CCDC141: variants seen among roughly 807,000 people sequenced by gnomAD.
The protein encoded by CCDC141 is coiled-coil domain containing 141, also known as coiled-coil domain-containing protein 141.
A neutral mutation model predicts 181.0 loss-of-function variants in CCDC141; 168 were observed. That is an observed-to-expected ratio of 0.93 (90% CI 0.82 to 1.05). CCDC141 has a LOEUF of 1.05. Among genes scored for constraint, CCDC141 ranks in the 50% least tolerant of loss-of-function variants. The probability of loss-of-function intolerance (pLI) is 0.00; values close to 1 mark genes in which losing one functional copy is unlikely to be tolerated. For missense variants in CCDC141, 1,902 were observed against 1,788.5 expected, an observed-to-expected ratio of 1.06 and a Z score of -1.14; for synonymous variants, 666 against 642.3, an observed-to-expected ratio of 1.04 and a Z score of -0.56.
chr2:178,984,613 G>A (rs1248599626), intron 2 of CCDC141, among the ~76,000 whole-genome samples: 1 of 149,674 alleles, frequency 6.7e-6, no homozygotes, highest in Non-Finnish European at 1.5e-5. Context: ...ATAAAAGGAT[G>A]GAGGAAGATC....
intron 7 of CCDC141, among the ~76,000 whole-genome samples, chr2:178,910,307 A>G (rs1210059587): frequency 1.3e-5 from 2 of 152,224 alleles, no homozygotes. Flanking sequence ...TGACTAATCA[A>G]CTTGAAGAGA....
intron 17 of CCDC141, among the ~76,000 whole-genome samples, chr2:178,857,205 T>A (rs1685426380): frequency 6.6e-6 from 1 of 152,180 alleles, no homozygotes; most frequent in African/African-American, 2.4e-5. Context: ...CATGTATACA[T>A]TTATTAAGGC....
intron 10 of CCDC141, among the ~76,000 whole-genome samples, chr2:178,885,359 G>A (rs894082369): frequency 1.3e-5 from 2 of 152,032 alleles, no homozygotes; most frequent in African/African-American, 4.8e-5. Context: ...AAGAAAGGTT[G>A]TTTGGTATGA....
At chr2:178,816,332 CA>C in the CCDC141 span, among the ~76,000 whole-genome samples, 1 of 152,190 alleles carries the variant, frequency 6.6e-6, no homozygotes, top group Admixed American at 6.5e-5. Flanking sequence ...TTTCACTTAG[CA>C]ATATGCATTT....
chr2:178,837,231 T>C lies in CCDC141; in HGVS notation c.3988A>G (p.Arg1330Gly). 2 of 1,614,090 alleles carry C rather than the reference T, an allele frequency of 1.2e-6. No homozygotes were observed. Among genetic ancestry groups the C allele is most frequent in the South Asian group, 2.2e-5 (2 of 91,074 alleles). ...GCCTGAGGGTGCTGCTGTAAAGCTC[T>C]CTCATGCACTTCACTCATCATGCTC... ...PESMMSEVHE[R>G]ALQQHPQAQG... is the part of the protein sequence containing the mutation. The change falls in exon 23 of 24, where the codon AGA (arginine) becomes GGA (glycine). Residue 1330 changes from arginine to glycine, a missense_variant. Arg to Gly is a moderately radical substitution (Grantham distance 125). Transcript: ENST00000443758.
intron 2 of CCDC141, among the ~76,000 whole-genome samples, chr2:178,981,652 A>ATG (rs2092159949): frequency 7.3e-6 from 1 of 137,356 alleles, no homozygotes; most frequent in African/African-American, 2.7e-5. Flanking sequence ...ATATATATAT[A>ATG]TATATACATA....
At chr2:178,902,616 T>C (rs917332198) in intron 8 of CCDC141, among the ~76,000 whole-genome samples, 13 of 152,242 alleles carry the variant, frequency 8.5e-5, no homozygotes, top group Middle Eastern at 6.8e-3. Flanking sequence ...CAAGATGGAC[T>C]AAAGACTTAA....
In CCDC141 at chr2:179,047,401, G is replaced by C; in HGVS notation, c.108C>G (p.Gly36=). The change falls in exon 2 of 24, where the codon GGC becomes GGG. Residue 36 remains glycine (G), a synonymous_variant. Coordinates refer to ENST00000443758, the MANE Select transcript of CCDC141 (RefSeq NM_173648.4). ...SKIVIAVIKC[G]KWVQLQLAES... is the part of the protein sequence containing the mutation. The stretch of plus-strand genomic sequence containing the variant: ...CAGCCAGTTGAAGTTGTACCCATTT[G>C]CCACACTAAAAATAAAAATTAAATA... 1 of 1,503,248 alleles carries C rather than the reference G, an allele frequency of 6.7e-7. No homozygotes were observed. The highest frequency in any genetic ancestry group is 8.8e-7 in the Non-Finnish European group (1 of 1,130,340). 93.1% of individuals were successfully genotyped at this position (1,503,248 alleles called of 1,614,324 possible). A position where few individuals can be genotyped will look rare whatever the true frequency, so the allele number is the denominator to read the frequency against.
chr2:178,987,158 ATGCCG>A (rs1302245775), intron 2 of CCDC141, among the ~76,000 whole-genome samples: 7 of 116,934 alleles, frequency 6.0e-5, no homozygotes, highest in Admixed American at 1.0e-4. Context: ...CTCAGAAATA[ATGCCG>A]CATATCTACA....
chr2:178,863,272 C>G (rs545469515), intron 17 of CCDC141, among the ~76,000 whole-genome samples: 1 of 152,260 alleles, frequency 6.6e-6, no homozygotes, highest in East Asian at 1.9e-4. Context: ...TGGACATTCT[C>G]AAAAATCCAT....
intron 2 of CCDC141, among the ~76,000 whole-genome samples, chr2:178,992,546 A>G (rs1437368982): frequency 6.6e-6 from 1 of 152,120 alleles, no homozygotes; most frequent in Admixed American, 6.6e-5. Context: ...TTCTCTCTGT[A>G]AGAGGACTGT....
intron 2 of CCDC141, among the ~76,000 whole-genome samples, chr2:179,005,311 A>AT (rs1198189152): frequency 3.4e-4 from 13 of 38,328 alleles, no homozygotes; most frequent in South Asian, 1.0e-3. Flanking sequence ...TATTTGGAGA[A>AT]TTTAAAAAAA....
chr2:178,904,064 AGAG>A (rs972612851), intron 8 of CCDC141, among the ~76,000 whole-genome samples: 9 of 152,232 alleles, frequency 5.9e-5, no homozygotes, highest in Non-Finnish European at 8.8e-5. Context: ...AAGCTGGAAA[AGAG>A]GAGGAGGAGG....
Position 178,855,396 on chromosome 2 carries a change from T to C in CCDC141, c.3011A>G (p.Tyr1004Cys). The change falls in exon 19 of 24, where the codon TAC (tyrosine) becomes TGC (cysteine). Residue 1004 changes from tyrosine to cysteine, a missense_variant. Transcript: ENST00000443758. ...VDDFDKVVTD[Y>C]KKNLDLTEHF... ...CTCAGTCAGGTCCAAATTCTTCTTGTAATCTGTCACAACTTTGTCAAAGTC... is the reference window on the plus strand; with the variant it reads ...CTCAGTCAGGTCCAAATTCTTCTTGCAATCTGTCACAACTTTGTCAAAGTC... 2.5e-6 allele frequency: 4 copies of C among 1,612,300 alleles called. No individual in the cohort carries two copies. Among genetic ancestry groups the C allele is most frequent in the Non-Finnish European group, 2.5e-6 (3 of 1,179,422 alleles).
At chr2:178,969,127 A>AAAAAG (rs1690766063) in intron 4 of CCDC141, among the ~76,000 whole-genome samples, 5 of 148,622 alleles carry the variant, frequency 3.4e-5, no homozygotes, top group African/African-American at 1.2e-4. Context: ...AAAAAAAAAA[A>AAAAAG]AAAGCCCAGG....
chr2:179,017,987 G>A (rs2042590404), intron 2 of CCDC141, among the ~76,000 whole-genome samples: 1 of 152,108 alleles, frequency 6.6e-6, no homozygotes, highest in Admixed American at 6.6e-5. Context: ...AGAAAAAGAT[G>A]TTCTGGCCAA....
intron 8 of CCDC141, among the ~76,000 whole-genome samples, chr2:178,889,934 C>T (rs937079725): frequency 1.3e-5 from 2 of 152,132 alleles, no homozygotes; most frequent in African/African-American, 4.8e-5. Context: ...CACTAAATTC[C>T]ATAATTCTAC....
At chr2:178,927,279 G>T (rs975853717) in intron 6 of CCDC141, among the ~76,000 whole-genome samples, 1 of 152,134 alleles carries the variant, frequency 6.6e-6, no homozygotes, top group African/African-American at 2.4e-5. Context: ...CTCCTACACT[G>T]AATGTGGAAC....
In CCDC141 at chr2:178,916,277, T is replaced by C. The variant is rs78124016; in HGVS notation, c.1092+2436A>G. Among the ~76,000 whole-genome samples, 799 of 152,296 alleles carry C rather than the reference T, an allele frequency of 5.2e-3. 9 individuals carry two copies. Among genetic ancestry groups the C allele is most frequent in the African/African-American group, 0.018 (769 of 41,570 alleles). ...CACTAGTGTAAACAGAATTTTATTC[T>C]AGAAAAAACATTTTAAGGGATTTTG... On this transcript the variant is annotated intron_variant, in intron 7 of 23. Coordinates refer to ENST00000443758, the MANE Select transcript of CCDC141 (RefSeq NM_173648.4).
Sources: gnomAD v4.1 joint callset for allele counts (sites outside exome capture counted in the v4.1 genomes callset) on GRCh38, gnomAD v4.1.1 for gene constraint, MANE v1.5 for transcripts, NCBI Gene and HGNC (gene_info 2026-07-23, HGNC 2026-07-21) for gene names.